The following ASTN2 variants were observed in gnomAD, a reference collection of about 807,000 sequenced individuals.
ASTN2 encodes the protein astrotactin-2.
Under a neutral mutation model 139.8 loss-of-function variants are expected in ASTN2, and 54 were observed. That is an observed-to-expected ratio of 0.39 (90% CI 0.31 to 0.48). The LOEUF (loss-of-function observed/expected upper bound fraction) is 0.48. Among genes scored for constraint, ASTN2 ranks in the 20% least tolerant of loss-of-function variants. The pLI is 0.95. For missense variants in ASTN2, 1,565 were observed against 1,725.1 expected, an observed-to-expected ratio of 0.91 and a Z score of 1.64; for synonymous variants, 756 against 719.5, an observed-to-expected ratio of 1.05 and a Z score of -0.81.
intron 16 of ASTN2, among the ~76,000 whole-genome samples, chr9:116,652,512 C>T (rs1211008906): frequency 6.6e-6 from 1 of 152,124 alleles, no homozygotes; most frequent in Non-Finnish European, 1.5e-5. Flanking sequence ...TATATCTAGT[C>T]CTATATTTTC....
intron 19 of ASTN2, among the ~76,000 whole-genome samples, chr9:116,511,668 C>T (rs1245154616): frequency 1.3e-5 from 2 of 152,098 alleles, no homozygotes; most frequent in East Asian, 3.8e-4. Context: ...TTAATTATTG[C>T]CTGAATTTCA....
intron 10 of ASTN2, among the ~76,000 whole-genome samples, chr9:116,963,871 C>T (rs926512244): frequency 6.6e-6 from 1 of 152,104 alleles, no homozygotes; most frequent in Admixed American, 6.6e-5. Flanking sequence ...TTTCCTGGCT[C>T]TTTTGCGGCA....
chr9:116,978,970 A>C (rs771452774), intron 7 of ASTN2, among the ~76,000 whole-genome samples: 10 of 152,238 alleles, frequency 6.6e-5, no homozygotes, highest in Non-Finnish European at 8.8e-5. Context: ...CGGGTTCTAC[A>C]ACTATCACCC....
intron 1 of ASTN2, among the ~76,000 whole-genome samples, chr9:117,323,356 T>TACCACCACCACCACC (rs58313578): frequency 6.6e-5 from 10 of 151,330 alleles, no homozygotes; most frequent in African/African-American, 2.2e-4. Flanking sequence ...CCTCAAAGAC[T>TACCACCACCACCACC]ACCACCACCA....
At chr9:117,389,607 C>A (rs907152705) in intron 1 of ASTN2, among the ~76,000 whole-genome samples, 1 of 152,180 alleles carries the variant, frequency 6.6e-6, no homozygotes. Context: ...TCAGACTTGA[C>A]ACTATGGAGG....
intron 1 of ASTN2, among the ~76,000 whole-genome samples, chr9:117,337,830 T>G (rs978254469): frequency 6.6e-6 from 1 of 152,060 alleles, no homozygotes; most frequent in Non-Finnish European, 1.5e-5. Context: ...TGACCTAATA[T>G]CCAAGGCATG....
At chr9:116,755,014 C>G (rs2132159561) in intron 13 of ASTN2, among the ~76,000 whole-genome samples, 1 of 152,298 alleles carries the variant, frequency 6.6e-6, no homozygotes, top group East Asian at 1.9e-4. Context: ...TTTTGTCACT[C>G]AAACCCACCC....
chr9:116,865,919 A>G (rs1242934761), intron 10 of ASTN2, among the ~76,000 whole-genome samples: 1 of 152,200 alleles, frequency 6.6e-6, no homozygotes, highest in East Asian at 1.9e-4. Context: ...TGTTTACCAT[A>G]TACCAGGCAC....
At chr9:116,568,439 A>G (rs1853346079) in intron 19 of ASTN2, 1 of 152,210 alleles carries the variant, frequency 6.6e-6, no homozygotes, top group South Asian at 2.1e-4. Context: ...AATATATTTG[A>G]GAACAAAGGC....
intron 19 of ASTN2, among the ~76,000 whole-genome samples, chr9:116,496,295 A>C (rs1338233726): frequency 6.6e-6 from 1 of 152,086 alleles, no homozygotes; most frequent in African/African-American, 2.4e-5. Context: ...TAGTGAGTGA[A>C]TGTATCTGTT....
At chr9:116,948,479 A>G (rs1835459871) in intron 10 of ASTN2, among the ~76,000 whole-genome samples, 1 of 152,088 alleles carries the variant, frequency 6.6e-6, no homozygotes, top group African/African-American at 2.4e-5. Flanking sequence ...GCTTTCTGGA[A>G]CAACAAGATA....
intron 3 of ASTN2, chr9:117,180,607 A>G: frequency 8.3e-7 from 1 of 1,207,818 alleles, no homozygotes. Flanking sequence ...GCACCATTCT[A>G]AACAACTGAT....
At chr9:116,553,193 TG>T (rs1347951084) in intron 19 of ASTN2, among the ~76,000 whole-genome samples, 9 of 152,166 alleles carry the variant, frequency 5.9e-5, no homozygotes, top group African/African-American at 2.2e-4. Flanking sequence ...CCTGCAGACG[TG>T]CCAGGGAAGA....
At chr9:116,565,255 C>CACACAT (rs1237588683) in intron 19 of ASTN2, among the ~76,000 whole-genome samples, 146 of 111,046 alleles carry the variant, frequency 1.3e-3, no homozygotes, top group African/African-American at 5.5e-3. Flanking sequence ...CACACACACA[C>CACACAT]ACATATGCCC....
intron 13 of ASTN2, among the ~76,000 whole-genome samples, chr9:116,778,413 A>G (rs1247006234): frequency 9.5e-6 from 1 of 105,210 alleles, no homozygotes; most frequent in East Asian, 2.9e-4. Flanking sequence ...TTTTATTACT[A>G]TTATTTTTAC....
chr9:117,024,634 G>C (rs1014809989), intron 6 of ASTN2, among the ~76,000 whole-genome samples: 1 of 152,056 alleles, frequency 6.6e-6, no homozygotes, highest in Non-Finnish European at 1.5e-5. Context: ...GAAGCTTTGG[G>C]CACACAGAGC....
At chr9:117,094,444 A>G (rs1388493703) in intron 5 of ASTN2, among the ~76,000 whole-genome samples, 1 of 152,136 alleles carries the variant, frequency 6.6e-6, no homozygotes, top group East Asian at 1.9e-4. Flanking sequence ...GGACCCATTG[A>G]CTTCCCCAGC....
chr9:117,156,513 C>A (rs534068467), intron 3 of ASTN2, among the ~76,000 whole-genome samples: 8 of 152,100 alleles, frequency 5.3e-5, no homozygotes, highest in Non-Finnish European at 1.2e-4. Context: ...GCCCTCTCCC[C>A]AAGCTGTGAC....
chr9:116,999,548 CTTTTTTTTTTT>C lies in ASTN2; in HGVS notation c.1591+8533_1591+8543del, dbSNP rs71379248. Reference sequence around the variant, plus strand: ...TTCCTCTTTCTTTCTTTCTCTCTTTCTTTTTTTTTTTTTTTTTTTTTTTTTTTTTTGGACAG... The same window carrying C: ...TTCCTCTTTCTTTCTTTCTCTCTTTCTTTTTTTTTTTTTTTTTTTGGACAG... On this transcript the variant is annotated intron_variant, in intron 7 of 22. Transcript: ENST00000313400. Among the ~76,000 whole-genome samples the C allele has an allele frequency of 1.0e-3, 99 of 94,952 alleles. No homozygotes were observed. The East Asian group carries it at 0.017, about 16-fold the overall frequency. The allele number at this position is 94,952 out of a possible 152,430, so 62.3% of individuals were successfully genotyped here.
Sources: allele counts gnomAD v4.1 joint callset (sites outside exome capture counted in the v4.1 genomes callset), GRCh38; gene constraint gnomAD v4.1.1; transcripts MANE v1.5; gene names NCBI Gene and HGNC (gene_info 2026-07-23, HGNC 2026-07-21).